IQGAP2: variants seen among roughly 807,000 people sequenced by gnomAD.
The protein encoded by IQGAP2 is ras GTPase-activating-like protein IQGAP2.
Under a neutral mutation model 201.3 loss-of-function variants are expected in IQGAP2, and 173 were observed. That is an observed-to-expected ratio of 0.86 (90% CI 0.76 to 0.98). The LOEUF is 0.98. Among genes scored for constraint, IQGAP2 ranks in the 50% least tolerant of loss-of-function variants. The probability of loss-of-function intolerance (pLI) is 0.00; values close to 1 mark genes in which losing one functional copy is unlikely to be tolerated. For synonymous variants in IQGAP2, 675 were observed against 673.9 expected (o/e 1.00, Z -0.03); for missense variants, 1,687 against 1,864.8 (o/e 0.90, Z 1.76).
At chr5:76,656,206 T>G (rs548256224) in intron 20 of IQGAP2, among the ~76,000 whole-genome samples, 1 of 141,846 alleles carries the variant, frequency 7.0e-6, no homozygotes, top group Non-Finnish European at 1.5e-5. Flanking sequence ...TGGTTTTTTT[T>G]GTTTGTTTTT....
chr5:76,684,446 A>G (rs1218505239), intron 30 of IQGAP2, among the ~76,000 whole-genome samples: 24 of 152,202 alleles, frequency 1.6e-4, no homozygotes, highest in Middle Eastern at 3.2e-3. Context: ...AAGCATTCAC[A>G]CTTTAAATAA....
chr5:76,514,577 C>T (rs1758192116), intron 2 of IQGAP2, among the ~76,000 whole-genome samples: 1 of 152,214 alleles, frequency 6.6e-6, no homozygotes, highest in Non-Finnish European at 1.5e-5. Flanking sequence ...AACCTTTGTT[C>T]ATGCTACTCT....
chr5:76,614,647 G>T, intron 13 of IQGAP2, among the ~76,000 whole-genome samples: 1 of 92,798 alleles, frequency 1.1e-5, no homozygotes, highest in African/African-American at 4.4e-5. Flanking sequence ...ACAGGATCTT[G>T]CTGTGTTGCC....
chr5:76,578,603 C>T (rs564172428), intron 5 of IQGAP2, among the ~76,000 whole-genome samples: 3 of 152,174 alleles, frequency 2.0e-5, no homozygotes, highest in East Asian at 1.9e-4. Flanking sequence ...TCAGCCACCA[C>T]GCCCGGCCAC....
chr5:76,510,680 A>C, intron 2 of IQGAP2: 1 of 537,410 alleles, frequency 1.9e-6, no homozygotes, highest in South Asian at 1.4e-5. Context: ...ACAGCCTAGC[A>C]GCAGCTGCAG....
chr5:76,453,839 C>T (rs75224952), intron 1 of IQGAP2, among the ~76,000 whole-genome samples: 2,662 of 152,190 alleles, frequency 0.017, 36 homozygotes, highest in African/African-American at 0.031. Context: ...AGGTTCATAC[C>T]GAGTCATAGG....
intron 2 of IQGAP2, among the ~76,000 whole-genome samples, chr5:76,472,302 G>A (rs566154008): frequency 6.6e-6 from 1 of 152,334 alleles, no homozygotes; most frequent in African/African-American, 2.4e-5. Context: ...GGTGATCTCC[G>A]TGGCACAGGA....
At chr5:76,666,701 G>A (rs927498303) in intron 22 of IQGAP2, among the ~76,000 whole-genome samples, 1 of 152,138 alleles carries the variant, frequency 6.6e-6, no homozygotes, top group Non-Finnish European at 1.5e-5. Context: ...TTATAGAAAA[G>A]CAAATGGCCT....
intron 1 of IQGAP2, among the ~76,000 whole-genome samples, chr5:76,438,008 G>GTTTTTTTT (rs768892670): frequency 4.4e-5 from 4 of 91,038 alleles, no homozygotes; most frequent in East Asian, 4.4e-4. Flanking sequence ...TTGGTCTGTA[G>GTTTTTTTT]TTTTTTTTTT....
At chr5:76,448,186 C>T (rs1753521963) in intron 1 of IQGAP2, among the ~76,000 whole-genome samples, 3 of 152,104 alleles carry the variant, frequency 2.0e-5, no homozygotes, top group Admixed American at 2.0e-4. Flanking sequence ...CCTCTGTTTC[C>T]ACTCTGTAAA....
intron 1 of IQGAP2, among the ~76,000 whole-genome samples, chr5:76,455,490 C>T (rs1194375488): frequency 6.8e-6 from 1 of 147,366 alleles, no homozygotes; most frequent in Non-Finnish European, 1.5e-5. Flanking sequence ...ACAAACAAAA[C>T]CAACAAGTGT....
intron 1 of IQGAP2, among the ~76,000 whole-genome samples, chr5:76,411,706 C>T (rs139752423): frequency 2.2e-4 from 33 of 152,306 alleles, no homozygotes; most frequent in African/African-American, 7.9e-4. Context: ...TCCTAGCCTC[C>T]AGAACTGTGC....
At chr5:76,592,975 C>A in intron 9 of IQGAP2, 50 bp downstream of exon 9, 1 of 1,229,172 alleles carries the variant, frequency 8.1e-7, no homozygotes, top group Non-Finnish European at 1.2e-6. Flanking sequence ...AAGATACAGA[C>A]TTTCCTTGCC....
intron 21 of IQGAP2, among the ~76,000 whole-genome samples, chr5:76,664,567 C>T (rs1212699568): frequency 6.6e-6 from 1 of 152,136 alleles, no homozygotes; most frequent in Non-Finnish European, 1.5e-5. Flanking sequence ...CCTGTAGTTC[C>T]AGCTACTCAG....
At chr5:76,450,194 T>C (rs1435055254) in intron 1 of IQGAP2, among the ~76,000 whole-genome samples, 5 of 152,220 alleles carry the variant, frequency 3.3e-5, no homozygotes, top group African/African-American at 4.8e-5. Flanking sequence ...TTATACACTT[T>C]CCAAGTAGTT....
chr5:76,583,714 T>C (rs982891962), intron 5 of IQGAP2, among the ~76,000 whole-genome samples: 1 of 152,208 alleles, frequency 6.6e-6, no homozygotes. Flanking sequence ...CATTGTACAA[T>C]GGAGAAATTA....
chr5:76,404,316 T>A lies in IQGAP2; in HGVS notation c.46+725T>A, dbSNP rs558541488. The A allele has an allele frequency of 3.1e-4, 75 of 238,464 alleles. No homozygotes were observed. The South Asian group carries it at 8.4e-3, about 27-fold the overall frequency. 14.8% of individuals were successfully genotyped at this position (238,464 alleles called of 1,614,324 possible). Reference sequence around the variant, plus strand: ...CCCAGCCAGGGGCTGCCCTCGGAAATAGGTTGCTTTGGCCGATCGTGAGTG... The same window carrying A: ...CCCAGCCAGGGGCTGCCCTCGGAAAAAGGTTGCTTTGGCCGATCGTGAGTG... On this transcript the variant is annotated intron_variant, in intron 1 of 35. Coordinates refer to ENST00000274364, the MANE Select transcript of IQGAP2 (RefSeq NM_006633.5).
At chr5:76,443,257 C>T (rs184023758) in intron 1 of IQGAP2, among the ~76,000 whole-genome samples, 50 of 152,226 alleles carry the variant, frequency 3.3e-4, no homozygotes, top group Non-Finnish European at 5.9e-4. Context: ...TTCAACATAA[C>T]AGTTCTCTGG....
chr5:76,617,942 T>A, intron 13 of IQGAP2: 5 of 1,614,048 alleles, frequency 3.1e-6, no homozygotes, highest in African/African-American at 1.3e-5. Context: ...GGAAGGGAGA[T>A]GAGGACTCGC....
Sources: allele counts gnomAD v4.1 joint callset (sites outside exome capture counted in the v4.1 genomes callset), GRCh38; gene constraint gnomAD v4.1.1; transcripts MANE v1.5; gene names NCBI Gene and HGNC (gene_info 2026-07-23, HGNC 2026-07-21).